RNLS: variants seen among roughly 807,000 people sequenced by gnomAD.
RNLS encodes the protein renalase.
A neutral mutation model predicts 39.8 loss-of-function variants in RNLS; 39 were observed. That is an observed-to-expected ratio of 0.98 (90% CI 0.76 to 1.28). The LOEUF is 1.28. Among genes scored for constraint, RNLS ranks in the 50% most tolerant of loss-of-function variants. RNLS has a pLI of 0.00. For synonymous variants in RNLS, 147 were observed against 150.7 expected, an observed-to-expected ratio of 0.98 and a Z score of 0.18; for missense variants, 410 against 413.3, an observed-to-expected ratio of 0.99 and a Z score of 0.07.
the RNLS span, among the ~76,000 whole-genome samples, chr10:88,191,239 G>A: frequency 6.6e-6 from 1 of 152,084 alleles, no homozygotes; most frequent in East Asian, 1.9e-4. Context: ...CTTTGGATGC[G>A]CATTGTATAG....
At chr10:88,192,501 A>G in the RNLS span, among the ~76,000 whole-genome samples, 1 of 152,248 alleles carries the variant, frequency 6.6e-6, no homozygotes, top group African/African-American at 2.4e-5. Flanking sequence ...ATTTAATGCC[A>G]TCCCATGCGG....
At chr10:88,501,369 T>G (rs113955916) in intron 4 of RNLS, among the ~76,000 whole-genome samples, 2 of 152,288 alleles carry the variant, frequency 1.3e-5, no homozygotes, top group African/African-American at 4.8e-5. Flanking sequence ...AGACATTCAA[T>G]TAACTGTTAG....
intron 4 of RNLS, among the ~76,000 whole-genome samples, chr10:88,571,496 C>T (rs1279473892): frequency 1.3e-5 from 2 of 152,120 alleles, no homozygotes; most frequent in African/African-American, 4.8e-5. Context: ...CATGCAAGGG[C>T]TAAAAGATGA....
downstream of RNLS, among the ~76,000 whole-genome samples, chr10:88,283,683 A>G (rs753623870): frequency 2.6e-5 from 4 of 152,162 alleles, no homozygotes; most frequent in Admixed American, 6.6e-5. Flanking sequence ...GCTGGAGGCC[A>G]TTATCTTTAA....
At chr10:88,581,283 T>C (rs2134502735) in intron 3 of RNLS, among the ~76,000 whole-genome samples, 1 of 121,088 alleles carries the variant, frequency 8.3e-6, no homozygotes, top group African/African-American at 3.3e-5. Flanking sequence ...TATATGTATG[T>C]GTGTGTGTGT....
intron 4 of RNLS, among the ~76,000 whole-genome samples, chr10:88,438,189 T>C (rs1170753385): frequency 6.6e-6 from 1 of 150,670 alleles, no homozygotes; most frequent in Non-Finnish European, 1.5e-5. Context: ...CTTTGTCATA[T>C]CTGGATGTGA....
chr10:88,199,477 C>T, the RNLS span, among the ~76,000 whole-genome samples: 5 of 152,286 alleles, frequency 3.3e-5, no homozygotes, highest in East Asian at 3.9e-4. Flanking sequence ...AAATGTCTCC[C>T]GATATTGCCA....
At chr10:88,331,911 G>T (rs930109504) in intron 5 of RNLS, among the ~76,000 whole-genome samples, 13 of 152,186 alleles carry the variant, frequency 8.5e-5, no homozygotes, top group African/African-American at 2.7e-4. Context: ...ATAAAAGATA[G>T]CCAGGGAGAG....
intron 6 of RNLS, among the ~76,000 whole-genome samples, chr10:88,300,410 A>G (rs1844429719): frequency 6.6e-6 from 1 of 152,228 alleles, no homozygotes; most frequent in African/African-American, 2.4e-5. Flanking sequence ...AAACTGAGCT[A>G]CTGGTCATTC....
chr10:88,267,970 G>A, the RNLS span, among the ~76,000 whole-genome samples: 4 of 152,296 alleles, frequency 2.6e-5, no homozygotes, highest in Non-Finnish European at 4.4e-5. Context: ...GGGGAGAAAC[G>A]TTGGTGTAAG....
At chr10:88,547,930 A>G (rs1056920606) in intron 4 of RNLS, among the ~76,000 whole-genome samples, 1 of 152,162 alleles carries the variant, frequency 6.6e-6, no homozygotes, top group African/African-American at 2.4e-5. Flanking sequence ...AAATTAATAA[A>G]CAAAGAAAAA....
intron 4 of RNLS, among the ~76,000 whole-genome samples, chr10:88,440,625 G>T (rs537234184): frequency 6.6e-6 from 1 of 152,262 alleles, no homozygotes; most frequent in Non-Finnish European, 1.5e-5. Context: ...CCTCAGTCAG[G>T]TTTGCCTGCT....
chr10:88,575,204 AT>A lies in RNLS; in HGVS notation c.368-2144del, dbSNP rs1564915129. 8.8e-4 allele frequency among the ~76,000 whole-genome samples: 29 copies of A among 33,032 alleles called. 1 individual carries two copies. In the East Asian group the frequency reaches 0.034, roughly 39 times the overall value. The allele number at this position is 33,032 out of a possible 152,430, so 21.7% of individuals were successfully genotyped here. ...CATATTATATATATATACTATATAT[AT>A]ATGTGTGTGTATATATATATATATA... On this transcript the variant is annotated intron_variant, in intron 3 of 6. Transcript: ENST00000331772.
At chr10:88,255,438 T>C in the RNLS span, among the ~76,000 whole-genome samples, 1 of 152,028 alleles carries the variant, frequency 6.6e-6, no homozygotes, top group African/African-American at 2.4e-5. Context: ...ACACCACACA[T>C]TAACATCAGA....
At chr10:88,332,207 C>T (rs773320079) in intron 5 of RNLS, among the ~76,000 whole-genome samples, 1 of 152,252 alleles carries the variant, frequency 6.6e-6, no homozygotes, top group Non-Finnish European at 1.5e-5. Flanking sequence ...GCTATGATAA[C>T]ACTCCTCACC....
At chr10:88,181,826 C>T in the RNLS span, among the ~76,000 whole-genome samples, 1 of 152,124 alleles carries the variant, frequency 6.6e-6, no homozygotes, top group Admixed American at 6.6e-5. Context: ...TATAACTCTT[C>T]TTTTCAGCTG....
At chr10:88,488,418 T>A (rs1322800748) in intron 4 of RNLS, among the ~76,000 whole-genome samples, 1 of 151,746 alleles carries the variant, frequency 6.6e-6, no homozygotes, top group Admixed American at 6.6e-5. Context: ...TGGTGGTGCA[T>A]GCCTGTAATC....
chr10:88,214,050 C>T, the RNLS span, among the ~76,000 whole-genome samples: 1 of 152,198 alleles, frequency 6.6e-6, no homozygotes, highest in South Asian at 2.1e-4. Flanking sequence ...CTCCATTTCT[C>T]GGCTCTGTCT....
intron 4 of RNLS, among the ~76,000 whole-genome samples, chr10:88,426,474 G>A (rs1424791229): frequency 6.6e-6 from 1 of 151,848 alleles, no homozygotes; most frequent in Non-Finnish European, 1.5e-5. Flanking sequence ...AGAAAAGGAG[G>A]AGATACAGGG....
Sources: allele counts gnomAD v4.1 joint callset (sites outside exome capture counted in the v4.1 genomes callset), GRCh38; gene constraint gnomAD v4.1.1; transcripts MANE v1.5; gene names NCBI Gene and HGNC (gene_info 2026-07-23, HGNC 2026-07-21).